HTR2C: variants seen among roughly 807,000 people sequenced by gnomAD.
HTR2C encodes the protein 5-hydroxytryptamine (serotonin) receptor 2C, G protein-coupled.
HTR2C carries 5 observed loss-of-function variants against 21.0 expected under a neutral mutation model. The observed-to-expected ratio is 0.24, with a 90% CI of 0.12 to 0.50. The LOEUF is 0.50. Among genes scored for constraint, HTR2C ranks in the 20% least tolerant of loss-of-function variants. The pLI is 0.98. For missense variants in HTR2C, 271 were observed against 371.2 expected (o/e 0.73, Z 2.22); for synonymous variants, 150 against 145.3 (o/e 1.03, Z -0.23).
chrX:114,786,262 A>G (rs2070173436), intron 4 of HTR2C, among the ~76,000 whole-genome samples: 1 of 112,038 alleles, frequency 8.9e-6, no homozygotes, highest in African/African-American at 3.2e-5. Flanking sequence ...AAAGCAATTT[A>G]GCATTATATA....
chrX:114,835,019 T>C (rs1470260621), intron 4 of HTR2C, among the ~76,000 whole-genome samples: 1 of 93,903 alleles, frequency 1.1e-5, no homozygotes, highest in Non-Finnish European at 2.2e-5. Flanking sequence ...TCTTTAAGAA[T>C]GTTGAATATT....
intron 4 of HTR2C, among the ~76,000 whole-genome samples, chrX:114,806,297 A>G (rs2070431937): frequency 1.0e-5 from 1 of 99,366 alleles, no homozygotes; most frequent in Non-Finnish European, 2.0e-5. Context: ...ATATAGATAC[A>G]CACCATATAT....
chrX:114,880,702 G>A (rs1381570792), intron 5 of HTR2C, among the ~76,000 whole-genome samples: 1 of 110,973 alleles, frequency 9.0e-6, no homozygotes, highest in Non-Finnish European at 1.9e-5. Flanking sequence ...TACGTGATTG[G>A]CATATTCAGT....
At chrX:114,668,454 T>A (rs1329137787) in intron 2 of HTR2C, among the ~76,000 whole-genome samples, 1 of 111,812 alleles carries the variant, frequency 8.9e-6, no homozygotes, top group Non-Finnish European at 1.9e-5. Flanking sequence ...TATTTAGCTC[T>A]TAGAGATGCT....
intron 1 of HTR2C, among the ~76,000 whole-genome samples, chrX:114,605,359 C>T (rs782590569): frequency 0.011 from 1,231 of 109,517 alleles, 25 homozygotes; most frequent in African/African-American, 0.039. Context: ...GAGGAGCAGC[C>T]TGGGGAGGAA....
chrX:114,868,672 G>A (rs1218946621), intron 5 of HTR2C, among the ~76,000 whole-genome samples: 4 of 111,179 alleles, frequency 3.6e-5, no homozygotes, highest in East Asian at 2.8e-4. Context: ...TTATTTCTTC[G>A]GGACAGTCCA....
intron 4 of HTR2C, among the ~76,000 whole-genome samples, chrX:114,743,324 G>C (rs1225050114): frequency 9.0e-6 from 1 of 110,991 alleles, no homozygotes; most frequent in East Asian, 2.8e-4. Context: ...CTGTTGGTGG[G>C]ACTGTAAACT....
intron 1 of HTR2C, among the ~76,000 whole-genome samples, chrX:114,603,473 A>G (rs1176879709): frequency 9.3e-6 from 1 of 106,979 alleles, no homozygotes; most frequent in Admixed American, 1.0e-4. Flanking sequence ...CTTGTGTAAG[A>G]ATTCTGACCA....
chrX:114,677,301 C>T (rs1931593278), intron 2 of HTR2C, among the ~76,000 whole-genome samples: 1 of 110,737 alleles, frequency 9.0e-6, no homozygotes, highest in Non-Finnish European at 1.9e-5. Flanking sequence ...AAAAATATGG[C>T]GAGACTATTG....
intron 2 of HTR2C, among the ~76,000 whole-genome samples, chrX:114,664,887 A>G (rs1429952164): frequency 2.7e-5 from 3 of 112,123 alleles, no homozygotes; most frequent in African/African-American, 9.7e-5. Context: ...CTTAAGGTGG[A>G]ATTTTCGACA....
At chrX:114,629,635 C>A (rs12837651) in intron 2 of HTR2C, among the ~76,000 whole-genome samples, 1 of 111,040 alleles carries the variant, frequency 9.0e-6, no homozygotes, top group African/African-American at 3.3e-5. Flanking sequence ...CTCTTAAAAT[C>A]GAACATTCAC....
At chrX:114,758,610 G>C (rs782361007) in intron 4 of HTR2C, among the ~76,000 whole-genome samples, 3 of 111,073 alleles carry the variant, frequency 2.7e-5, no homozygotes, top group Admixed American at 9.6e-5. Flanking sequence ...AAAAATATAT[G>C]GTTTTTTCTG....
chrX:114,876,422 C>CTTTTTTTTTTTTTTTTTTTTTTTTTTTTT, intron 5 of HTR2C, among the ~76,000 whole-genome samples: 38 of 62,380 alleles, frequency 6.1e-4, no homozygotes, highest in East Asian at 2.4e-3. Context: ...CTTTTTCTTT[C>CTTTTTTTTTTTTTTTTTTTTTTTTTTTTT]TTTTTTTTTT....
chrX:114,601,310 T>C (rs1928076164), intron 1 of HTR2C, among the ~76,000 whole-genome samples: 1 of 111,050 alleles, frequency 9.0e-6, no homozygotes, highest in Non-Finnish European at 1.9e-5. Context: ...AAACAGGCTT[T>C]GTGTGAGCAA....
intron 4 of HTR2C, among the ~76,000 whole-genome samples, chrX:114,745,114 A>G (rs1412630140): frequency 1.8e-5 from 2 of 112,338 alleles, no homozygotes; most frequent in Non-Finnish European, 3.7e-5. Context: ...GAGCTCAAAC[A>G]ACTCCATAGA....
chrX:114,652,860 G>A (rs1484852594), intron 2 of HTR2C: 2 of 175,442 alleles, frequency 1.1e-5, no homozygotes, highest in South Asian at 1.3e-4. Flanking sequence ...TTAGAGGAAG[G>A]CCAGATTATT....
chrX:114,585,497 C>T (rs1451925193), intron 1 of HTR2C, among the ~76,000 whole-genome samples: 1 of 111,727 alleles, frequency 9.0e-6, no homozygotes, highest in East Asian at 2.8e-4. Flanking sequence ...GTCTTTACAG[C>T]GTTCCTCGGA....
At chrX:114,600,787 A>T (rs782483832) in intron 1 of HTR2C, among the ~76,000 whole-genome samples, 1 of 111,556 alleles carries the variant, frequency 9.0e-6, no homozygotes, top group South Asian at 3.7e-4. Context: ...TCATAATTTA[A>T]CGAGTTCAAA....
At chrX:114,673,445 AC>A (rs1556412088) in intron 2 of HTR2C, among the ~76,000 whole-genome samples, 1 of 110,924 alleles carries the variant, frequency 9.0e-6, no homozygotes, top group African/African-American at 3.3e-5. Flanking sequence ...CTTTCAGAAA[AC>A]CCTCTTTGCT....
Sources: allele counts gnomAD v4.1 joint callset (sites outside exome capture counted in the v4.1 genomes callset), GRCh38; gene constraint gnomAD v4.1.1; transcripts MANE v1.5; gene names NCBI Gene and HGNC (gene_info 2026-07-23, HGNC 2026-07-21).